The following PDE4D variants were observed in gnomAD, a reference collection of about 807,000 sequenced individuals.
The protein encoded by PDE4D is phosphodiesterase 4D.
PDE4D carries 24 observed loss-of-function variants against 87.4 expected under a neutral mutation model. That is an observed-to-expected ratio of 0.27 (90% CI 0.20 to 0.39). The LOEUF (loss-of-function observed/expected upper bound fraction) is 0.39. Among genes scored for constraint, PDE4D ranks in the 10% least tolerant of loss-of-function variants. PDE4D has a pLI of 1.00. For missense variants in PDE4D, 714 were observed against 1,041.0 expected (o/e 0.69, Z 4.32); for synonymous variants, 384 against 383.2 (o/e 1.00, Z -0.02).
At chr5:59,348,623 C>CT (rs5868176) in intron 1 of PDE4D, among the ~76,000 whole-genome samples, 51,198 of 129,620 alleles carry the variant, frequency 0.39, 11,766 homozygotes, top group African/African-American at 0.61. Context: ...CACTTCAAAG[C>CT]TTTTTTTTTT....
At chr5:59,369,401 G>A (rs1442960326) in intron 1 of PDE4D, among the ~76,000 whole-genome samples, 1 of 152,084 alleles carries the variant, frequency 6.6e-6, no homozygotes, top group Non-Finnish European at 1.5e-5. Flanking sequence ...AATAGTCTTA[G>A]GTTTAATTCC....
At chr5:59,292,419 A>G (rs1768214928) in intron 1 of PDE4D, among the ~76,000 whole-genome samples, 2 of 152,184 alleles carry the variant, frequency 1.3e-5, no homozygotes, top group South Asian at 4.1e-4. Flanking sequence ...CTAACATATT[A>G]ACATGGACCC....
At chr5:59,307,674 T>G (rs144185516) in intron 1 of PDE4D, among the ~76,000 whole-genome samples, 1 of 149,800 alleles carries the variant, frequency 6.7e-6, no homozygotes, top group African/African-American at 2.5e-5. Flanking sequence ...CCATCTCACA[T>G]CAGTTAGAAT....
intron 1 of PDE4D, among the ~76,000 whole-genome samples, chr5:59,344,927 T>C (rs1202827563): frequency 6.6e-6 from 1 of 152,140 alleles, no homozygotes; most frequent in Non-Finnish European, 1.5e-5. Flanking sequence ...ATCTAATAAT[T>C]AATGATCACA....
intron 1 of PDE4D, among the ~76,000 whole-genome samples, chr5:60,365,019 AGTG>A (rs1193187838): frequency 4.6e-5 from 7 of 152,218 alleles, no homozygotes; most frequent in African/African-American, 1.7e-4. Flanking sequence ...GTATAATCCA[AGTG>A]ACATAACTAG....
intron 5 of PDE4D, among the ~76,000 whole-genome samples, chr5:59,120,027 TA>T (rs200908760): frequency 0.013 from 1,943 of 152,106 alleles, 28 homozygotes; most frequent in Non-Finnish European, 0.02. Flanking sequence ...TTATTCTTAG[TA>T]GAGTCTGTTC....
chr5:60,181,714 T>C (rs1784391059), intron 2 of PDE4D, among the ~76,000 whole-genome samples: 1 of 152,176 alleles, frequency 6.6e-6, no homozygotes, highest in South Asian at 2.1e-4. Flanking sequence ...ATTGGGAATT[T>C]AATGCAAAAG....
intron 11 of PDE4D, among the ~76,000 whole-genome samples, chr5:58,981,830 C>G (rs1428337423): frequency 1.3e-5 from 2 of 152,136 alleles, no homozygotes; most frequent in East Asian, 3.9e-4. Flanking sequence ...ACCTTAATTA[C>G]AGGGCATGGT....
chr5:59,096,603 A>G (rs1222288898), intron 5 of PDE4D, among the ~76,000 whole-genome samples: 1 of 152,170 alleles, frequency 6.6e-6, no homozygotes, highest in Non-Finnish European at 1.5e-5. Context: ...AAAACCTGGA[A>G]AGGTATGGCA....
At chr5:60,174,748 C>T (rs1186749878) in intron 2 of PDE4D, among the ~76,000 whole-genome samples, 4 of 151,972 alleles carry the variant, frequency 2.6e-5, no homozygotes, top group South Asian at 2.1e-4. Flanking sequence ...TCTTCTTGCT[C>T]ACAACATTTC....
At chr5:59,397,819 T>C (rs1249106688) in intron 1 of PDE4D, among the ~76,000 whole-genome samples, 1 of 120,004 alleles carries the variant, frequency 8.3e-6, no homozygotes, top group Non-Finnish European at 1.8e-5. Context: ...ATCAACAAAA[T>C]TGATAGACCG....
chr5:60,200,955 C>G (rs543652608), intron 1 of PDE4D, among the ~76,000 whole-genome samples: 2 of 152,004 alleles, frequency 1.3e-5, no homozygotes, highest in Non-Finnish European at 2.9e-5. Flanking sequence ...TTTAATAAAA[C>G]GGGACCAAAA....
intron 2 of PDE4D, among the ~76,000 whole-genome samples, chr5:60,108,394 T>A (rs1367924027): frequency 6.6e-6 from 1 of 152,186 alleles, no homozygotes; most frequent in Non-Finnish European, 1.5e-5. Flanking sequence ...TCCATGTTCA[T>A]GGGTCGGAAG....
chr5:60,438,005 G>C (rs1029011836), intron 1 of PDE4D, among the ~76,000 whole-genome samples: 7 of 152,126 alleles, frequency 4.6e-5, no homozygotes, highest in Non-Finnish European at 8.8e-5. Context: ...GCAAATGCAG[G>C]ACAGTGGGCA....
intron 1 of PDE4D, among the ~76,000 whole-genome samples, chr5:60,250,715 TAAC>T (rs915898784): frequency 6.6e-6 from 1 of 152,008 alleles, no homozygotes; most frequent in Non-Finnish European, 1.5e-5. Context: ...TAATACATGA[TAAC>T]AATAACAAAT....
intron 1 of PDE4D, among the ~76,000 whole-genome samples, chr5:59,307,777 T>A (rs1771702018): frequency 6.6e-6 from 1 of 152,080 alleles, no homozygotes; most frequent in African/African-American, 2.4e-5. Flanking sequence ...TGTCAACTAG[T>A]TCAACCATTG....
chr5:59,845,909 A>G (rs1170401478), intron 1 of PDE4D, among the ~76,000 whole-genome samples: 1 of 152,076 alleles, frequency 6.6e-6, no homozygotes, highest in African/African-American at 2.4e-5. Context: ...AGGATCCCAG[A>G]AGCAGTTATG....
At chr5:59,356,872 A>G in intron 1 of PDE4D, 1 of 1,526,634 alleles carries the variant, frequency 6.6e-7, no homozygotes, top group South Asian at 1.3e-5. Context: ...CAAGATCCCC[A>G]GGAACCACGA....
intron 1 of PDE4D, among the ~76,000 whole-genome samples, chr5:59,651,282 T>C (rs948103067): frequency 3.5e-5 from 5 of 144,000 alleles, no homozygotes; most frequent in African/African-American, 8.1e-5. Context: ...ATAATAATAA[T>C]AATAATAATA....
Sources: allele counts gnomAD v4.1 joint callset (sites outside exome capture counted in the v4.1 genomes callset), GRCh38; gene constraint gnomAD v4.1.1; transcripts MANE v1.5; gene names NCBI Gene and HGNC (gene_info 2026-07-23, HGNC 2026-07-21).